Variants in RALGAPB observed in about 807,000 individuals in gnomAD.
RALGAPB encodes Ral GTPase activating protein non-catalytic subunit beta.
A neutral mutation model predicts 161.1 loss-of-function variants in RALGAPB; 25 were observed. The observed-to-expected ratio is 0.16, with a 90% CI of 0.11 to 0.22. The LOEUF (loss-of-function observed/expected upper bound fraction) is 0.22. Among genes scored for constraint, RALGAPB ranks in the 10% least tolerant of loss-of-function variants. RALGAPB has a pLI of 1.00. For missense variants in RALGAPB, 1,391 were observed against 1,815.2 expected, an observed-to-expected ratio of 0.77 and a Z score of 4.25; for synonymous variants, 629 against 626.1, an observed-to-expected ratio of 1.00 and a Z score of -0.07.
At chr20:38,540,057 A>G in intron 17 of RALGAPB, 99 bp downstream of exon 17, 1 of 1,006,960 alleles carries the variant, frequency 9.9e-7, no homozygotes, top group Non-Finnish European at 1.4e-6. Context: ...ACAGTATTGC[A>G]CACTTTAAAC....
chr20:38,517,300 T>C (rs773165295), intron 7 of RALGAPB, among the ~76,000 whole-genome samples: 8 of 152,080 alleles, frequency 5.3e-5, no homozygotes, highest in Non-Finnish European at 1.2e-4. Flanking sequence ...GAAAATTGAG[T>C]CATTTTTTTT....
chr20:38,566,972 T>C (rs1240650625), intron 25 of RALGAPB, 124 bp from the exon 26 acceptor site: 2 of 1,433,900 alleles, frequency 1.4e-6, no homozygotes, highest in East Asian at 2.4e-5. Context: ...TTGTCAGCCC[T>C]TGCTCTCGAA....
chr20:38,532,675 T>C, intron 14 of RALGAPB, 55 bp from the exon 15 acceptor site: 3 of 1,591,294 alleles, frequency 1.9e-6, no homozygotes, highest in South Asian at 2.2e-5. Context: ...TTGACCTTTA[T>C]TTATGCTTGT....
chr20:38,525,318 T>G, intron 11 of RALGAPB, 86 bp from the exon 12 acceptor site: 1 of 880,412 alleles, frequency 1.1e-6, no homozygotes, highest in South Asian at 1.4e-5. Context: ...TGCTTGGATT[T>G]GGAAAAATTG....
chr20:38,506,774 G>A (rs2085776055), intron 5 of RALGAPB, among the ~76,000 whole-genome samples: 1 of 152,138 alleles, frequency 6.6e-6, no homozygotes, highest in Admixed American at 6.5e-5. Context: ...TTGATAGGGG[G>A]CAAAGAGAGG....
Position 38,569,897 on chromosome 20 carries a change from A to G in RALGAPB, c.3964A>G (p.Ser1322Gly). 3.1e-6 allele frequency: 5 copies of G among 1,613,154 alleles called. No individual in the cohort carries two copies. Among genetic ancestry groups the G allele is most frequent in the Non-Finnish European group, 4.2e-6 (5 of 1,179,360 alleles). Reference protein sequence around the residue: ...NLNSSQRLSPSSRMRKLPQGR... With the variant: ...NLNSSQRLSPGSRMRKLPQGR... ...CTTCTTCTTCATGTAGCTCAGTCCCAGTTCCAGAATGAGGAAGCTGCCTCA... is the reference window on the plus strand; with the variant it reads ...CTTCTTCTTCATGTAGCTCAGTCCCGGTTCCAGAATGAGGAAGCTGCCTCA... Residue 1322 changes from serine to glycine, a missense_variant, in exon 27 of 30, where the codon AGT (serine) becomes GGT (glycine). Around this residue, in one of 3 missense-constraint regions of RALGAPB, gnomAD observed 436 missense variants for 527.0 expected, o/e 0.83. Transcript: ENST00000262879.
rs779516327 is a variant in RALGAPB, at chr20:38,562,712, G to A, written c.3697+15G>A. 2 of 1,563,494 alleles carry A rather than the reference G, an allele frequency of 1.3e-6. No individual in the cohort carries two copies. The highest frequency in any genetic ancestry group is 1.2e-5 in the South Asian group (1 of 82,650). On this transcript the variant is annotated intron_variant, in intron 24 of 29. Coordinates refer to ENST00000262879, the MANE Select transcript of RALGAPB (RefSeq NM_020336.4). Reference sequence around the variant, plus strand: ...ATCTCAACAAGGTAAAACTCACAGTGTTTCAAATGTCAGTTGTTTCTTGTT... The same window carrying A: ...ATCTCAACAAGGTAAAACTCACAGTATTTCAAATGTCAGTTGTTTCTTGTT...
At position 38,516,276 on chromosome 20, in the gene RALGAPB, G is replaced by T. The variant is rs146906566; in HGVS notation, c.957G>T (p.Pro319=). The T allele has an allele frequency of 3.7e-6, 6 of 1,613,346 alleles. No homozygotes were observed. Among genetic ancestry groups the T allele is most frequent in the African/African-American group, 1.3e-5 (1 of 74,912 alleles). ...AGTTCTTGAATGTGAGCGGAATGCC[G>T]CAAGAATTGAATCAGTATCCCTGCC... ...QEQFLNVSGM[P]QELNQYPCLK... Residue 319 remains proline, a synonymous_variant, in exon 7 of 30, where the codon CCG becomes CCT. Coordinates refer to ENST00000262879, the MANE Select transcript of RALGAPB (RefSeq NM_020336.4).
intron 1 of RALGAPB, among the ~76,000 whole-genome samples, chr20:38,488,118 A>G (rs2085171614): frequency 6.6e-6 from 1 of 152,238 alleles, no homozygotes; most frequent in African/African-American, 2.4e-5. Context: ...TATATTACAA[A>G]GGAAACAAGT....
At chr20:38,536,786 G>A (rs1372146296) in intron 16 of RALGAPB, among the ~76,000 whole-genome samples, 1 of 152,168 alleles carries the variant, frequency 6.6e-6, no homozygotes, top group East Asian at 1.9e-4. Context: ...GGGAATAGTT[G>A]TCAGAGGCTG....
At chr20:38,553,367 G>A (rs1164336094) in intron 21 of RALGAPB, among the ~76,000 whole-genome samples, 4 of 152,186 alleles carry the variant, frequency 2.6e-5, no homozygotes, top group African/African-American at 7.2e-5. Context: ...CAGGGAGCAC[G>A]TCAGGGTGAA....
At chr20:38,476,866 G>A (rs954618692) in intron 1 of RALGAPB, among the ~76,000 whole-genome samples, 1 of 152,112 alleles carries the variant, frequency 6.6e-6, no homozygotes, top group Non-Finnish European at 1.5e-5. Flanking sequence ...GAAAAACAAT[G>A]GTTATGTGGA....
intron 28 of RALGAPB, among the ~76,000 whole-genome samples, chr20:38,571,696 G>C (rs1224522251): frequency 1.3e-5 from 2 of 152,146 alleles, no homozygotes; most frequent in African/African-American, 2.4e-5. Flanking sequence ...TGAGATCCTG[G>C]TTTCAGTTCC....
chr20:38,473,759 T>C (rs1476241631), intron 1 of RALGAPB, among the ~76,000 whole-genome samples: 1 of 152,184 alleles, frequency 6.6e-6, no homozygotes, highest in Non-Finnish European at 1.5e-5. Flanking sequence ...CTGGGGGAAA[T>C]TGTAAAGGTT....
intron 23 of RALGAPB, among the ~76,000 whole-genome samples, chr20:38,559,752 G>C (rs1280214874): frequency 6.6e-6 from 1 of 152,160 alleles, no homozygotes; most frequent in Non-Finnish European, 1.5e-5. Context: ...GGAACAAAGA[G>C]ACTAAGAGAA....
At chr20:38,514,916 TTTAC>T (rs1297720523) in intron 6 of RALGAPB, among the ~76,000 whole-genome samples, 1 of 152,246 alleles carries the variant, frequency 6.6e-6, no homozygotes, top group African/African-American at 2.4e-5. Flanking sequence ...TATTTCAAGT[TTTAC>T]TTACTTTCTT....
At chr20:38,521,409 A>T in intron 9 of RALGAPB, 88 bp from the exon 10 acceptor site, 1 of 1,554,472 alleles carries the variant, frequency 6.4e-7, no homozygotes, top group Non-Finnish European at 8.7e-7. Flanking sequence ...CTATTTAATG[A>T]CACCAATATT....
At position 38,497,530 on chromosome 20, in the gene RALGAPB, T is replaced by A. The variant is rs200368778; in HGVS notation, c.553+14T>A. ...CAACTGTTCAAGGTTTGTTTATTTTTTTTTTTCTAATTTATTTCTGAGCTC... is the reference window on the plus strand; with the variant it reads ...CAACTGTTCAAGGTTTGTTTATTTTATTTTTTCTAATTTATTTCTGAGCTC... On this transcript the variant is annotated intron_variant, in intron 4 of 29. Transcript: ENST00000262879. 3.3e-4 allele frequency: 518 copies of A among 1,592,112 alleles called. 2 individuals carry two copies. Among genetic ancestry groups the A allele is most frequent in the Non-Finnish European group, 8.9e-5 (105 of 1,173,596 alleles).
chr20:38,482,426 CTTTTT>C (rs386393725), intron 1 of RALGAPB, among the ~76,000 whole-genome samples: 1 of 121,386 alleles, frequency 8.2e-6, no homozygotes, highest in African/African-American at 3.1e-5. Flanking sequence ...GTATGTTTAT[CTTTTT>C]TTTTTTTTTT....
Sources: gnomAD v4.1 joint callset for allele counts (sites outside exome capture counted in the v4.1 genomes callset) on GRCh38, gnomAD v4.1.1 for gene constraint, gnomAD v4.1.1 regional missense constraint, MANE v1.5 for transcripts, NCBI Gene and HGNC (gene_info 2026-07-23, HGNC 2026-07-21) for gene names.